The following MFN2 variants were observed in gnomAD, a reference collection of about 807,000 sequenced individuals.
MFN2 encodes mitofusin 2.
MFN2 carries 43 observed loss-of-function variants against 87.5 expected under a neutral mutation model. The ratio of observed to expected loss-of-function variants is 0.49; its 90% CI spans 0.38 to 0.63. The LOEUF is 0.63. Ranked by LOEUF, MFN2 falls within the 30% of genes least tolerant of loss-of-function variation. The pLI, the probability that MFN2 is intolerant of heterozygous loss-of-function variation, is 0.00. For synonymous variants in MFN2, 337 were observed against 359.9 expected (o/e 0.94, Z 0.72); for missense variants, 743 against 972.8 (o/e 0.76, Z 3.14).
intron 17 of MFN2, among the ~76,000 whole-genome samples, chr1:12,009,309 C>T (rs971266354): frequency 1.3e-5 from 2 of 152,208 alleles, no homozygotes; most frequent in Admixed American, 6.5e-5. Context: ...TCCTCTGCTA[C>T]TCGGCTGATG....
chr1:12,006,842 C>T, intron 16 of MFN2, 149 bp downstream of exon 16: 8 of 1,346,532 alleles, frequency 5.9e-6, no homozygotes, highest in Non-Finnish European at 8.4e-6. Flanking sequence ...GGAGCGCTTA[C>T]TCCCTCACCA....
At position 11,996,136 on chromosome 1, in the gene MFN2, C is replaced by T. The variant is rs1436953999; in HGVS notation, c.312-20C>T. 1.2e-6 allele frequency: 2 copies of T among 1,613,986 alleles called. No individual in the cohort carries two copies. The highest frequency in any genetic ancestry group is 1.7e-6 in the Non-Finnish European group (2 of 1,180,026). On this transcript the variant is annotated intron_variant, in intron 4 of 18. Transcript: ENST00000235329. ...GGTCAGATACTGGTGGCTTTGCTGA[C>T]AGCTGTTACTTCCTTCTAGGACGAG...
intron 2 of MFN2, among the ~76,000 whole-genome samples, chr1:11,986,591 CTTTTT>C (rs555735351): frequency 1.5e-5 from 2 of 136,792 alleles, no homozygotes; most frequent in African/African-American, 2.7e-5. Context: ...TCTTTTTGAT[CTTTTT>C]TTTTTTTTTT....
intron 14 of MFN2, among the ~76,000 whole-genome samples, chr1:12,005,164 C>T (rs1639353122): frequency 6.6e-6 from 1 of 152,226 alleles, no homozygotes; most frequent in Non-Finnish European, 1.5e-5. Context: ...TCACTGCAAC[C>T]TCTGCCACCG....
In MFN2 at chr1:11,997,377, C is replaced by G. The variant is rs755790687; in HGVS notation, c.555C>G (p.Asn185Lys). 6.2e-7 allele frequency: 1 copy of G among 1,614,196 alleles called. No homozygotes were observed. The highest frequency in any genetic ancestry group is 8.5e-7 in the Non-Finnish European group (1 of 1,180,022). ...GCCTAGTGAGTGTGATGTGGCCCAA[C>G]TCTAAGTGCCCACTTCTGAAGGATG... ...AGSLVSVMWP[N>K]SKCPLLKDDL... The change falls in exon 6 of 19, where the codon AAC becomes AAG. Residue 185 changes from asparagine (N) to lysine (K), a missense_variant. Coordinates refer to ENST00000235329, the MANE Select transcript of MFN2 (RefSeq NM_014874.4).
At chr1:11,999,547 G>A (rs1199754648) in intron 8 of MFN2, among the ~76,000 whole-genome samples, 2 of 152,086 alleles carry the variant, frequency 1.3e-5, no homozygotes, top group East Asian at 3.9e-4. Flanking sequence ...TGGTAGAGAC[G>A]GGGTTTTGTC....
intron 4 of MFN2, among the ~76,000 whole-genome samples, chr1:11,994,174 T>C (rs1234684496): frequency 6.6e-6 from 1 of 152,230 alleles, no homozygotes; most frequent in Non-Finnish European, 1.5e-5. Context: ...AATGATCCTT[T>C]TTATTCCCCA....
At chr1:11,996,124 T>C in intron 4 of MFN2, 32 bp from the exon 5 acceptor site, 2 of 1,614,020 alleles carry the variant, frequency 1.2e-6, no homozygotes, top group Non-Finnish European at 1.7e-6. Flanking sequence ...CAGATACTGG[T>C]GGCTTTGCTG....
At chr1:11,987,683 C>T (rs1309000651) in intron 2 of MFN2, among the ~76,000 whole-genome samples, 5 of 151,566 alleles carry the variant, frequency 3.3e-5, no homozygotes, top group African/African-American at 9.7e-5. Flanking sequence ...CCTTTAATCC[C>T]AGCACTTTAA....
At chr1:11,994,722 T>A (rs1385302663) in intron 4 of MFN2, among the ~76,000 whole-genome samples, 1 of 152,230 alleles carries the variant, frequency 6.6e-6, no homozygotes, top group Non-Finnish European at 1.5e-5. Context: ...GGTGTGGTCC[T>A]CTACTCCTCT....
chr1:12,003,168 G>T lies in MFN2; in HGVS notation c.1161-824G>T, dbSNP rs949937252. On this transcript the variant is annotated intron_variant, in intron 11 of 18. Transcript: ENST00000235329. The surrounding 1 kb of genome is among the most constrained non-coding windows in gnomAD (Gnocchi z 4.1). ...GCACCTTTTTAAGAGTCTTCCTGGGGTGAGTTCCTAGGGGTGTGGCAATTC... is the reference window on the plus strand; with the variant it reads ...GCACCTTTTTAAGAGTCTTCCTGGGTTGAGTTCCTAGGGGTGTGGCAATTC... 6.6e-6 allele frequency among the ~76,000 whole-genome samples: 1 copy of T among 151,830 alleles called. No individual in the cohort carries two copies. The highest frequency in any genetic ancestry group is 2.4e-5 in the African/African-American group (1 of 41,386).
intron 8 of MFN2, among the ~76,000 whole-genome samples, 183 bp from the exon 9 acceptor site, chr1:12,001,218 G>A (rs1389789870): frequency 6.6e-6 from 1 of 152,182 alleles, no homozygotes; most frequent in Non-Finnish European, 1.5e-5. Flanking sequence ...TCACCATGGT[G>A]GCCAGGCTGG....
chr1:11,982,832 G>C (rs1646010152), intron 2 of MFN2, among the ~76,000 whole-genome samples: 1 of 152,182 alleles, frequency 6.6e-6, no homozygotes, highest in Non-Finnish European at 1.5e-5. Flanking sequence ...AGGGGTAGGG[G>C]CAGGAGAGTA....
In MFN2 at chr1:12,011,672, C is replaced by A; in HGVS notation, c.*107C>A. On this transcript the variant is annotated 3_prime_UTR_variant, in exon 19 of 19. Transcript: ENST00000235329. The stretch of plus-strand genomic sequence containing the variant: ...GTGGCTCCTGCCCCCTGGCCACTGC[C>A]AAGAGAATGAAGCACCCAGTCTCGT... The A allele has an allele frequency of 2.5e-6, 3 of 1,198,216 alleles. No homozygotes were observed. The highest frequency in any genetic ancestry group is 3.7e-6 in the Non-Finnish European group (3 of 812,568). 74.2% of individuals were successfully genotyped at this position (1,198,216 alleles called of 1,614,324 possible).
rs1233844736 is a variant in MFN2 at position 12,011,745 on chromosome 1, G to C, written c.*180G>C. 4 of 659,124 alleles carry C rather than the reference G, an allele frequency of 6.1e-6. No homozygotes were observed. The highest frequency in any genetic ancestry group is 1.1e-5 in the Non-Finnish European group (4 of 376,154). 40.8% of individuals were successfully genotyped at this position (659,124 alleles called of 1,614,324 possible). On this transcript the variant is annotated 3_prime_UTR_variant, in exon 19 of 19. Transcript: ENST00000235329. ...TACTTATTTTCCCCCACCTTTGCCT[G>C]CTGTTGCTGGAAGAGCTGGCTCATA...
At chr1:11,996,409 G>C (rs941409126) in intron 5 of MFN2, 91 bp downstream of exon 5, 129 of 1,465,100 alleles carry the variant, frequency 8.8e-5, no homozygotes, top group Non-Finnish European at 1.2e-4. Flanking sequence ...TAGGGAGGGG[G>C]CAGCACCACC....
intron 5 of MFN2, among the ~76,000 whole-genome samples, chr1:11,996,818 A>C (rs1638927578): frequency 6.6e-6 from 1 of 152,152 alleles, no homozygotes; most frequent in African/African-American, 2.4e-5. Context: ...TGGATGGATC[A>C]TTTGAGGTCA....
intron 4 of MFN2, 109 bp downstream of exon 4, chr1:11,992,799 T>G: frequency 7.7e-7 from 1 of 1,305,316 alleles, no homozygotes; most frequent in Non-Finnish European, 1.1e-6. Flanking sequence ...CAGAATTCAT[T>G]GCTTTCCTCT....
chr1:11,999,513 G>A (rs1452534918), intron 8 of MFN2, among the ~76,000 whole-genome samples: 2 of 152,036 alleles, frequency 1.3e-5, no homozygotes, highest in African/African-American at 2.4e-5. Flanking sequence ...ACTGGGTTAT[G>A]AGGCTGGCTA....
Sources: gnomAD v4.1 joint callset for allele counts (sites outside exome capture counted in the v4.1 genomes callset) on GRCh38, gnomAD v4.1.1 for gene constraint, Gnocchi (gnomAD v3.1) non-coding constraint, MANE v1.5 for transcripts, NCBI Gene and HGNC (gene_info 2026-07-23, HGNC 2026-07-21) for gene names.